The following PITPNA variants were observed in gnomAD, a reference collection of about 807,000 sequenced individuals.
PITPNA encodes phosphatidylinositol transfer protein alpha isoform.
In PITPNA, 13 loss-of-function variants were observed where a neutral mutation model predicts 50.3. The ratio of observed to expected loss-of-function variants is 0.26; its 90% CI spans 0.17 to 0.41. The LOEUF is 0.41. PITPNA is among the 10% of genes least tolerant of loss of function. The probability of loss-of-function intolerance (pLI) is 1.00; values close to 1 mark genes in which losing one functional copy is unlikely to be tolerated. For synonymous variants in PITPNA, 120 were observed against 119.6 expected, an observed-to-expected ratio of 1.00 and a Z score of -0.02; for missense variants, 207 against 333.4, an observed-to-expected ratio of 0.62 and a Z score of 2.95.
At chr17:1,524,923 C>T (rs1447238752) in intron 10 of PITPNA, among the ~76,000 whole-genome samples, 10 of 151,990 alleles carry the variant, frequency 6.6e-5, no homozygotes, top group African/African-American at 2.4e-4. Flanking sequence ...ACTGAGTATT[C>T]GGGGCCTGTG....
chr17:1,541,364 C>T (rs866267089), intron 6 of PITPNA, among the ~76,000 whole-genome samples: 1 of 152,054 alleles, frequency 6.6e-6, no homozygotes, highest in Non-Finnish European at 1.5e-5. Context: ...TACGAGAAGG[C>T]CCCATAAAAA....
At chr17:1,524,835 C>T (rs1045028132) in intron 10 of PITPNA, among the ~76,000 whole-genome samples, 1 of 150,022 alleles carries the variant, frequency 6.7e-6, no homozygotes, top group Non-Finnish European at 1.5e-5. Context: ...GGCGACAGAG[C>T]GAGACTCCAT....
At chr17:1,536,291 T>C (rs2075615182) in intron 7 of PITPNA, among the ~76,000 whole-genome samples, 1 of 151,588 alleles carries the variant, frequency 6.6e-6, no homozygotes, top group Non-Finnish European at 1.5e-5. Flanking sequence ...TTTTTTTTTT[T>C]TTTCTTTTTT....
chr17:1,527,537 C>G (rs781160052), intron 10 of PITPNA, among the ~76,000 whole-genome samples: 1 of 152,204 alleles, frequency 6.6e-6, no homozygotes, highest in East Asian at 1.9e-4. Flanking sequence ...CCACCGTGCC[C>G]AGCCCTGGTT....
intron 1 of PITPNA, 50 bp from the exon 2 acceptor site, chr17:1,558,609 C>A (rs1213054007): frequency 1.5e-6 from 2 of 1,338,792 alleles, no homozygotes; most frequent in Non-Finnish European, 2.1e-6. Flanking sequence ...GCAATCTGCT[C>A]AAGGCTCTTT....
At chr17:1,534,684 C>T (rs1002447969) in intron 9 of PITPNA, among the ~76,000 whole-genome samples, 1 of 152,202 alleles carries the variant, frequency 6.6e-6, no homozygotes, top group Non-Finnish European at 1.5e-5. Context: ...ATTCAGGGCA[C>T]CGGCCAACCT....
chr17:1,527,280 G>C (rs1459306554), intron 10 of PITPNA, among the ~76,000 whole-genome samples: 1 of 152,108 alleles, frequency 6.6e-6, no homozygotes, highest in African/African-American at 2.4e-5. Context: ...GTTTCGCTCT[G>C]TTGCCCAGGC....
intron 3 of PITPNA, 24 bp from the exon 4 acceptor site, chr17:1,548,411 A>G: frequency 1.3e-6 from 2 of 1,487,812 alleles, no homozygotes; most frequent in Non-Finnish European, 1.9e-6. Flanking sequence ...AAAAAGGGGT[A>G]TAAAGAGAAA....
At chr17:1,524,860 A>G (rs549717917) in intron 10 of PITPNA, among the ~76,000 whole-genome samples, 5 of 151,830 alleles carry the variant, frequency 3.3e-5, no homozygotes, top group African/African-American at 1.2e-4. Context: ...AAAAAGAAAA[A>G]AAAAGAGGTT....
At chr17:1,538,228 T>G (rs1461608209) in intron 7 of PITPNA, among the ~76,000 whole-genome samples, 1 of 152,216 alleles carries the variant, frequency 6.6e-6, no homozygotes, top group African/African-American at 2.4e-5. Flanking sequence ...CAATGAGGCC[T>G]CTGCCTAGTA....
intron 10 of PITPNA, among the ~76,000 whole-genome samples, chr17:1,524,432 G>T (rs943885724): frequency 7.2e-6 from 1 of 138,486 alleles, no homozygotes; most frequent in African/African-American, 2.7e-5. Context: ...GCTAATTTTT[G>T]TATTTTTTGT....
Position 1,534,156 on chromosome 17 carries a change from G to A in PITPNA, c.711C>T (p.Asp237=), listed in dbSNP as rs767272403. ...QLFCWLDKWV[D]LTMDDIRRME... Reference sequence around the variant, plus strand: ...TCCTTCGAATGTCGTCCATGGTCAGGTCAACCCACTTATCGAGCCAACAGA... The same window carrying A: ...TCCTTCGAATGTCGTCCATGGTCAGATCAACCCACTTATCGAGCCAACAGA... Residue 237 remains aspartate, a synonymous_variant, in exon 10 of 12, where the codon GAC becomes GAT. Coordinates refer to ENST00000313486, the MANE Select transcript of PITPNA (RefSeq NM_006224.4). The A allele has an allele frequency of 2.4e-5, 38 of 1,613,814 alleles. No individual in the cohort carries two copies. The highest frequency in any genetic ancestry group is 3.1e-5 in the Non-Finnish European group (37 of 1,179,836).
At chr17:1,521,869 G>C (rs989838372) in intron 10 of PITPNA, among the ~76,000 whole-genome samples, 1 of 144,820 alleles carries the variant, frequency 6.9e-6, no homozygotes, top group Non-Finnish European at 1.5e-5. Flanking sequence ...GGTGTTTGAA[G>C]CACCTTTTTT....
chr17:1,548,412 TAA>T, intron 3 of PITPNA, 25 bp from the exon 4 acceptor site: 14 of 1,490,560 alleles, frequency 9.4e-6, no homozygotes, highest in Non-Finnish European at 1.3e-5. Flanking sequence ...AAAAGGGGTA[TAA>T]AGAGAAATGG....
rs1231321746 is a variant in PITPNA, at chr17:1,547,921, G to A, written c.289+375C>T. Among the ~76,000 whole-genome samples, 6 of 152,134 alleles carry A rather than the reference G, an allele frequency of 3.9e-5. No homozygotes were observed. In the East Asian group the frequency reaches 1.2e-3, roughly 29 times the overall value. ...AGGCAGCAGAATTGCTTGAACCCGGGAGCCAGAGGTTGCAGTGAGCCGAGA... is the reference window on the plus strand; with the variant it reads ...AGGCAGCAGAATTGCTTGAACCCGGAAGCCAGAGGTTGCAGTGAGCCGAGA... On this transcript the variant is annotated intron_variant, in intron 4 of 11. Coordinates refer to ENST00000313486, the MANE Select transcript of PITPNA (RefSeq NM_006224.4).
chr17:1,520,830 G>C (rs1312457032), intron 11 of PITPNA, among the ~76,000 whole-genome samples: 1 of 152,202 alleles, frequency 6.6e-6, no homozygotes, highest in Non-Finnish European at 1.5e-5. Context: ...CGTAGGGTTA[G>C]AGGCCAGCTT....
chr17:1,543,368 C>T (rs3785966), intron 4 of PITPNA, among the ~76,000 whole-genome samples: 2 of 151,364 alleles, frequency 1.3e-5, no homozygotes, highest in African/African-American at 4.9e-5. Context: ...GAGCGTTCTC[C>T]GGCGCCTCCC....
chr17:1,545,149 C>T (rs975301645), intron 4 of PITPNA, among the ~76,000 whole-genome samples: 7 of 152,300 alleles, frequency 4.6e-5, no homozygotes, highest in African/African-American at 1.7e-4. Context: ...CTATCTTACC[C>T]TCTCCTCACT....
At chr17:1,536,803 G>C (rs1023678460) in intron 7 of PITPNA, among the ~76,000 whole-genome samples, 3 of 151,424 alleles carry the variant, frequency 2.0e-5, no homozygotes, top group African/African-American at 7.3e-5. Flanking sequence ...ATGTTGGCCA[G>C]GCTGGTCTCA....
Sources: allele counts gnomAD v4.1 joint callset (sites outside exome capture counted in the v4.1 genomes callset), GRCh38; gene constraint gnomAD v4.1.1; transcripts MANE v1.5; gene names NCBI Gene and HGNC (gene_info 2026-07-23, HGNC 2026-07-21).